STX3: variants seen among roughly 807,000 people sequenced by gnomAD.
The protein encoded by STX3 is syntaxin 3.
STX3 carries 19 observed loss-of-function variants against 40.2 expected under a neutral mutation model. The observed-to-expected ratio is 0.47, with a 90% CI of 0.33 to 0.69. The LOEUF is 0.69. Ranked by LOEUF, STX3 falls within the 30% of genes least tolerant of loss-of-function variation. STX3 has a pLI of 0.02. For missense variants in STX3, 364 were observed against 366.7 expected (o/e 0.99, Z 0.06); for synonymous variants, 122 against 132.2 (o/e 0.92, Z 0.53).
At chr11:59,766,380 CT>C (rs1863284290) in intron 1 of STX3, among the ~76,000 whole-genome samples, 1 of 152,028 alleles carries the variant, frequency 6.6e-6, no homozygotes, top group Non-Finnish European at 1.5e-5. Context: ...TTTTTTCTTT[CT>C]TTTGTGACAG....
In STX3 at chr11:59,767,660, TTTG is replaced by T. The variant is rs556892279; in HGVS notation, c.31-5542_31-5540del. ...TTGAGTTTTCTGATCTGGACCAAAC[TTTG>T]TTGTTGTTATTTTGTATTTTTGGAA... On this transcript the variant is annotated intron_variant, in intron 1 of 10. Coordinates refer to ENST00000337979, the MANE Select transcript of STX3 (RefSeq NM_004177.5). 1.4e-3 allele frequency among the ~76,000 whole-genome samples: 212 copies of T among 152,292 alleles called. 1 individual carries two copies. The highest frequency in any genetic ancestry group is 4.7e-3 in the African/African-American group (194 of 41,546).
intron 1 of STX3, among the ~76,000 whole-genome samples, chr11:59,757,792 G>C (rs1862805794): frequency 6.6e-6 from 1 of 152,142 alleles, no homozygotes; most frequent in South Asian, 2.1e-4. Context: ...AAAGAATTGA[G>C]TTGATCTCAG....
Position 59,793,192 on chromosome 11 carries a change from G to A in STX3, c.540+20G>A, listed in dbSNP as rs367919346. 2.0e-5 allele frequency: 33 copies of A among 1,611,856 alleles called. No homozygotes were observed. The highest frequency in any genetic ancestry group is 3.3e-5 in the Admixed American group (2 of 59,792). Reference sequence around the variant, plus strand: ...TCTGGGGTGAGTGCCCTGTGTGCTCGGATAGCACATCCCTCTCGTGAGCAG... The same window carrying A: ...TCTGGGGTGAGTGCCCTGTGTGCTCAGATAGCACATCCCTCTCGTGAGCAG... On this transcript the variant is annotated intron_variant, in intron 7 of 10. Transcript: ENST00000337979.
intron 5 of STX3, 75 bp from the exon 6 acceptor site, chr11:59,792,032 A>T (rs1193338650): frequency 3.5e-6 from 4 of 1,152,222 alleles, no homozygotes; most frequent in African/African-American, 1.5e-5. Flanking sequence ...GTAGATGGCT[A>T]TGTGGGGGTG....
chr11:59,788,074 C>T (rs146551248), intron 3 of STX3, among the ~76,000 whole-genome samples: 72 of 152,336 alleles, frequency 4.7e-4, no homozygotes, highest in Middle Eastern at 3.4e-3. Flanking sequence ...TTCCTGTTCA[C>T]TCATACCCTT....
Position 59,778,981 on chromosome 11 carries a change from G to A in STX3, c.114+5687G>A, listed in dbSNP as rs958904705. On this transcript the variant is annotated intron_variant, in intron 2 of 10. Transcript: ENST00000337979. The stretch of plus-strand genomic sequence containing the variant: ...GCCTCCCAAGTAGCTGGGATTACAG[G>A]CATCCACAACAATGCCCAGCTAATT... Among the ~76,000 whole-genome samples the A allele has an allele frequency of 3.3e-5, 5 of 152,030 alleles. No homozygotes were observed. In the East Asian group the frequency reaches 9.7e-4, roughly 29 times the overall value.
intron 4 of STX3, 195 bp downstream of exon 4, chr11:59,789,142 G>A (rs1361259080): frequency 4.2e-6 from 2 of 474,336 alleles, no homozygotes; most frequent in East Asian, 7.8e-5. Flanking sequence ...AATCCTGACT[G>A]TACTGGAAAG....
At chr11:59,781,927 A>C (rs1044746529) in intron 2 of STX3, among the ~76,000 whole-genome samples, 1 of 152,220 alleles carries the variant, frequency 6.6e-6, no homozygotes, top group Admixed American at 6.5e-5. Flanking sequence ...TCACCTCGCA[A>C]TAAGTTTTCA....
At chr11:59,759,706 GACTA>G (rs555662803) in intron 1 of STX3, among the ~76,000 whole-genome samples, 1 of 152,262 alleles carries the variant, frequency 6.6e-6, no homozygotes, top group South Asian at 2.1e-4. Context: ...CTAAAGGCCA[GACTA>G]ACTTTTTACT....
rs1287111 is a variant in STX3, at chr11:59,755,912, C to T, written c.30+277C>T. Among the ~76,000 whole-genome samples the T allele has an allele frequency of 0.11, 16,692 of 152,320 alleles. 1,279 individuals are homozygous for T. The highest frequency in any genetic ancestry group is 0.2 in the African/African-American group (8,282 of 41,572). On this transcript the variant is annotated intron_variant, in intron 1 of 10. Transcript: ENST00000337979. ...GTCTGTCCAGAGCTGGTTCCCGAAG[C>T]GGGTGCTTGGGCCCGGGAGGTCAGG...
chr11:59,793,469 G>A lies in STX3; in HGVS notation c.630G>A (p.Glu210=), dbSNP rs1477922139. ...TGAGGCTGGAGAGCAGCATCAAGGA[G>A]CTTCACGACATGTTTATGGACATCG... ...DIVRLESSIK[E]LHDMFMDIAM... Residue 210 remains glutamate, a synonymous_variant, in exon 8 of 11, where the codon GAG becomes GAA. Coordinates refer to ENST00000337979, the MANE Select transcript of STX3 (RefSeq NM_004177.5). 8.1e-6 allele frequency: 13 copies of A among 1,614,172 alleles called. No individual in the cohort carries two copies. The highest frequency in any genetic ancestry group is 1.1e-5 in the Non-Finnish European group (13 of 1,180,034).
intron 2 of STX3, chr11:59,781,713 G>A (rs1479771789): frequency 1.9e-6 from 3 of 1,593,672 alleles, no homozygotes; most frequent in Non-Finnish European, 8.6e-7. Flanking sequence ...CTGCTGAACT[G>A]TGGCCATGGT....
At chr11:59,773,036 G>T (rs374437028) in intron 1 of STX3, among the ~76,000 whole-genome samples, 175 bp from the exon 2 acceptor site, 9 of 150,388 alleles carry the variant, frequency 6.0e-5, no homozygotes, top group African/African-American at 2.0e-4. Context: ...GTAGAGCTAG[G>T]ATTTAATTTC....
rs1865938981 is a variant in STX3 at position 59,802,731 on chromosome 11, G to A, written c.*1907G>A. On this transcript the variant is annotated 3_prime_UTR_variant, in exon 11 of 11. Transcript: ENST00000337979. ...ACGGTTCTGGCTCTGTCTCGATGCA[G>A]AAACACAATGATCTGGTGCCACCAT... 1.1e-5 allele frequency: 11 copies of A among 985,944 alleles called. No homozygotes were observed. Among genetic ancestry groups the A allele is most frequent in the Non-Finnish European group, 1.3e-5 (11 of 830,052 alleles). 61.1% of individuals were successfully genotyped at this position (985,944 alleles called of 1,614,324 possible).
intron 4 of STX3, 176 bp downstream of exon 4, chr11:59,789,123 C>CAAAA (rs1409549975): frequency 5.5e-6 from 3 of 541,084 alleles, no homozygotes; most frequent in Non-Finnish European, 9.8e-6. Flanking sequence ...AGAAATTTAC[C>CAAAA]TTTTCTTAAA....
chr11:59,757,227 A>G (rs997772605), intron 1 of STX3, among the ~76,000 whole-genome samples: 1 of 152,040 alleles, frequency 6.6e-6, no homozygotes, highest in East Asian at 1.9e-4. Flanking sequence ...GGCTCTTGAC[A>G]CTCTCCACAG....
At chr11:59,793,194 A>T (rs1018217765) in intron 7 of STX3, 22 bp downstream of exon 7, 31 of 1,611,986 alleles carry the variant, frequency 1.9e-5, no homozygotes, top group Non-Finnish European at 2.6e-5. Flanking sequence ...GTGTGCTCGG[A>T]TAGCACATCC....
chr11:59,781,344 G>A (rs1864369114), intron 2 of STX3: 34 of 1,589,228 alleles, frequency 2.1e-5, no homozygotes, highest in Non-Finnish European at 2.9e-5. Flanking sequence ...CCGAGTACAG[G>A]TGACATTGTT....
At chr11:59,772,915 C>CA (rs1343362404) in intron 1 of STX3, among the ~76,000 whole-genome samples, 2 of 151,700 alleles carry the variant, frequency 1.3e-5, no homozygotes, top group Admixed American at 6.6e-5. Flanking sequence ...GAAACCTAGG[C>CA]ACAGCAAGAT....
Sources: allele counts gnomAD v4.1 joint callset (sites outside exome capture counted in the v4.1 genomes callset), GRCh38; gene constraint gnomAD v4.1.1; transcripts MANE v1.5; gene names NCBI Gene and HGNC (gene_info 2026-07-23, HGNC 2026-07-21).